Variants in ANKS1B observed in about 807,000 individuals in gnomAD.
ANKS1B encodes the protein ankyrin repeat and sterile alpha motif domain containing 1B, also known as ankyrin repeat and sterile alpha motif domain-containing protein 1B.
A neutral mutation model predicts 148.3 loss-of-function variants in ANKS1B; 36 were observed. That is an observed-to-expected ratio of 0.24 (90% CI 0.19 to 0.32). ANKS1B has a LOEUF of 0.32. Ranked by LOEUF, ANKS1B falls within the 10% of genes least tolerant of loss-of-function variation. The pLI is 1.00. For synonymous variants in ANKS1B, 542 were observed against 560.8 expected, an observed-to-expected ratio of 0.97 and a Z score of 0.47; for missense variants, 1,157 against 1,542.6, an observed-to-expected ratio of 0.75 and a Z score of 4.19.
chr12:98,921,213 T>C (rs569977314), intron 17 of ANKS1B, among the ~76,000 whole-genome samples: 14 of 152,242 alleles, frequency 9.2e-5, no homozygotes, highest in African/African-American at 3.4e-4. Flanking sequence ...CAGAAAACAT[T>C]TAGGGAGCAA....
intron 1 of ANKS1B, among the ~76,000 whole-genome samples, chr12:99,827,877 C>T (rs2083410678): frequency 6.6e-6 from 1 of 152,114 alleles, no homozygotes. Context: ...ACATAACTTA[C>T]CATCAAATCA....
intron 12 of ANKS1B, among the ~76,000 whole-genome samples, chr12:99,262,709 A>T (rs961153415): frequency 6.6e-5 from 10 of 151,928 alleles, no homozygotes; most frequent in Admixed American, 4.6e-4. Context: ...AAATTGAGAC[A>T]TGTTTATTTT....
chr12:99,909,233 T>C (rs1464090125), intron 1 of ANKS1B, among the ~76,000 whole-genome samples: 18 of 150,354 alleles, frequency 1.2e-4, no homozygotes, highest in Non-Finnish European at 2.2e-4. Context: ...TGTGTGTGTG[T>C]GTGTGTGTGT....
At chr12:99,124,621 G>A (rs935700229) in intron 15 of ANKS1B, among the ~76,000 whole-genome samples, 1 of 152,142 alleles carries the variant, frequency 6.6e-6, no homozygotes, top group Non-Finnish European at 1.5e-5. Context: ...TAGATGTAAT[G>A]TAAGCCACGG....
chr12:99,554,080 A>C lies in ANKS1B; in HGVS notation c.1273-49439T>G, dbSNP rs114625874. Among the ~76,000 whole-genome samples the C allele has an allele frequency of 1.9e-3, 291 of 152,312 alleles. 1 individual carries two copies. Among genetic ancestry groups the C allele is most frequent in the African/African-American group, 6.8e-3 (282 of 41,572 alleles). The stretch of plus-strand genomic sequence containing the variant: ...AGAAGAAAGCAAAGCCCAGATATGA[A>C]GAGAAAGAGAGAGACCAAATCCAGA... On this transcript the variant is annotated intron_variant, in intron 9 of 26. Transcript: ENST00000683438.
intron 17 of ANKS1B, among the ~76,000 whole-genome samples, chr12:98,991,165 A>T (rs1383932789): frequency 1.3e-5 from 2 of 152,220 alleles, no homozygotes; most frequent in African/African-American, 4.8e-5. Flanking sequence ...ACTGTGATCA[A>T]AATTATGGGA....
chr12:99,097,735 TTAACTG>T lies in ANKS1B; in HGVS notation c.2527-12718_2527-12713del, dbSNP rs552942149. Among the ~76,000 whole-genome samples the T allele has an allele frequency of 2.5e-3, 386 of 152,286 alleles. 2 individuals are homozygous for T. The highest frequency in any genetic ancestry group is 4.9e-3 in the Non-Finnish European group (334 of 68,024). Reference sequence around the variant, plus strand: ...ATTAGGAGTCCTGGCTTATCACTAATTAACTGTATAAATCTGAAAAGGTAATTTAAC... The same window carrying T: ...ATTAGGAGTCCTGGCTTATCACTAATTATAAATCTGAAAAGGTAATTTAAC... On this transcript the variant is annotated intron_variant, in intron 15 of 26. Coordinates refer to ENST00000683438, the MANE Select transcript of ANKS1B (RefSeq NM_001352186.2).
intron 2 of ANKS1B, among the ~76,000 whole-genome samples, chr12:99,812,639 AAACTT>A (rs540620050): frequency 1.2e-3 from 187 of 151,696 alleles, no homozygotes; most frequent in African/African-American, 4.0e-3. Flanking sequence ...CATATAAGCA[AAACTT>A]AACTTATTTC....
chr12:99,313,379 A>G (rs1322562858), intron 12 of ANKS1B, among the ~76,000 whole-genome samples: 1 of 152,146 alleles, frequency 6.6e-6, no homozygotes, highest in Non-Finnish European at 1.5e-5. Flanking sequence ...ACTATTCCAA[A>G]CAACTGAAAA....
intron 17 of ANKS1B, among the ~76,000 whole-genome samples, chr12:98,998,065 AC>A (rs1211900435): frequency 6.6e-6 from 1 of 152,164 alleles, no homozygotes. Context: ...TCCATGTATA[AC>A]CTGTCCTTGT....
At chr12:99,072,958 A>G (rs2046719582) in intron 16 of ANKS1B, among the ~76,000 whole-genome samples, 1 of 152,192 alleles carries the variant, frequency 6.6e-6, no homozygotes, top group Non-Finnish European at 1.5e-5. Flanking sequence ...AATAAATAAA[A>G]GGAGATACAT....
At chr12:98,910,616 T>C (rs564612412) in intron 17 of ANKS1B, among the ~76,000 whole-genome samples, 3 of 152,348 alleles carry the variant, frequency 2.0e-5, no homozygotes, top group Admixed American at 2.0e-4. Context: ...ACCAGACTTA[T>C]AAACCAATAT....
intron 12 of ANKS1B, among the ~76,000 whole-genome samples, chr12:99,319,465 C>T (rs991922249): frequency 1.3e-5 from 2 of 152,164 alleles, no homozygotes; most frequent in African/African-American, 4.8e-5. Flanking sequence ...GGTTTAAAGT[C>T]TGTTTTATCA....
chr12:98,882,825 T>C (rs1043323845), intron 17 of ANKS1B, among the ~76,000 whole-genome samples: 5 of 152,118 alleles, frequency 3.3e-5, no homozygotes, highest in Non-Finnish European at 5.9e-5. Flanking sequence ...AAGATGTTAA[T>C]GAAGCCAAAA....
intron 9 of ANKS1B, among the ~76,000 whole-genome samples, chr12:99,557,239 C>T (rs114010940): frequency 0.014 from 2,060 of 152,304 alleles, 53 homozygotes; most frequent in African/African-American, 0.047. Context: ...GAAACATTTT[C>T]ATGAATGATA....
intron 8 of ANKS1B, among the ~76,000 whole-genome samples, chr12:99,740,904 C>T (rs1314255590): frequency 6.6e-6 from 1 of 152,134 alleles, no homozygotes; most frequent in Non-Finnish European, 1.5e-5. Context: ...TTACAACCCA[C>T]AGACCAGGAG....
At chr12:99,139,742 G>C (rs938823334) in intron 15 of ANKS1B, among the ~76,000 whole-genome samples, 1 of 151,882 alleles carries the variant, frequency 6.6e-6, no homozygotes, top group Non-Finnish European at 1.5e-5. Context: ...AGCAGATGCT[G>C]TACTATGGCT....
chr12:98,862,437 G>A (rs2099603940), intron 17 of ANKS1B, among the ~76,000 whole-genome samples: 1 of 152,148 alleles, frequency 6.6e-6, no homozygotes, highest in South Asian at 2.1e-4. Flanking sequence ...CTGGAACATA[G>A]TGAACACTCA....
At chr12:99,048,292 CACAGAG>C (rs778108127) in intron 17 of ANKS1B, among the ~76,000 whole-genome samples, 22 of 152,198 alleles carry the variant, frequency 1.4e-4, no homozygotes, top group Non-Finnish European at 3.1e-4. Context: ...TTCCTTTCTG[CACAGAG>C]ATAGATCATA....
Sources: gnomAD v4.1 joint callset for allele counts (sites outside exome capture counted in the v4.1 genomes callset) on GRCh38, gnomAD v4.1.1 for gene constraint, MANE v1.5 for transcripts, NCBI Gene and HGNC (gene_info 2026-07-23, HGNC 2026-07-21) for gene names.